Variants in PARD6G observed in about 807,000 individuals in gnomAD.
The protein encoded by PARD6G is par-6 family cell polarity regulator gamma.
A neutral mutation model predicts 10.7 loss-of-function variants in PARD6G; 7 were observed. The observed-to-expected ratio is 0.66, with a 90% CI of 0.37 to 1.23. PARD6G has a LOEUF of 1.23. PARD6G is among the 50% of genes most tolerant of loss of function. The pLI, the probability that PARD6G is intolerant of heterozygous loss-of-function variation, is 0.02. For missense variants in PARD6G, 548 were observed against 571.8 expected, an observed-to-expected ratio of 0.96 and a Z score of 0.42; for synonymous variants, 287 against 269.4, an observed-to-expected ratio of 1.07 and a Z score of -0.64.
At chr18:80,163,443 A>G (rs2052714237) in intron 2 of PARD6G, among the ~76,000 whole-genome samples, 1 of 120,326 alleles carries the variant, frequency 8.3e-6, no homozygotes, top group Admixed American at 7.5e-5. Context: ...TCTACCACTG[A>G]CTCACAGAGT....
At chr18:80,194,622 G>A (rs1261026805) in intron 2 of PARD6G, among the ~76,000 whole-genome samples, 1 of 152,060 alleles carries the variant, frequency 6.6e-6, no homozygotes, top group African/African-American at 2.4e-5. Context: ...TGGGGTAGGG[G>A]TGAGCTCTGG....
intron 2 of PARD6G, among the ~76,000 whole-genome samples, chr18:80,196,156 T>A (rs916036100): frequency 6.6e-6 from 1 of 152,200 alleles, no homozygotes; most frequent in African/African-American, 2.4e-5. Context: ...GTAACTGATA[T>A]GTCCACCATT....
At chr18:80,233,196 T>C (rs1163785959) in intron 1 of PARD6G, among the ~76,000 whole-genome samples, 1 of 152,204 alleles carries the variant, frequency 6.6e-6, no homozygotes, top group South Asian at 2.1e-4. Flanking sequence ...AGGCAAACTA[T>C]CCTACCTCTG....
rs1599839299 is a variant in PARD6G, at chr18:80,160,066, G to T, written c.836C>A (p.Pro279His). 6.4e-7 allele frequency: 1 copy of T among 1,567,284 alleles called. No individual in the cohort carries two copies. The highest frequency in any genetic ancestry group is 1.3e-5 in the African/African-American group (1 of 74,224). ...PSDGTAGFVG[P>H]PAPRVLQNFH... ...GTTCTGCAGGACGCGCGGGGCGGGG[G>T]GACCCACGAAGCCCGCGGTGCCGTC... Residue 279 changes from proline (P) to histidine (H), a missense_variant, in exon 3 of 3, where the codon CCC becomes CAC. Coordinates refer to ENST00000353265, the MANE Select transcript of PARD6G (RefSeq NM_032510.4).
intron 1 of PARD6G, among the ~76,000 whole-genome samples, chr18:80,235,486 G>A (rs1049834359): frequency 1.3e-5 from 2 of 152,142 alleles, no homozygotes; most frequent in Non-Finnish European, 2.9e-5. Flanking sequence ...AAAGCTAGCA[G>A]AAGGCAAGAA....
intron 1 of PARD6G, among the ~76,000 whole-genome samples, chr18:80,217,730 A>G (rs546655702): frequency 6.6e-6 from 1 of 152,328 alleles, no homozygotes; most frequent in African/African-American, 2.4e-5. Flanking sequence ...AGCTAAAAGG[A>G]GCCTAAGGAG....
chr18:80,191,416 C>T (rs777541704), intron 2 of PARD6G, among the ~76,000 whole-genome samples: 2 of 152,142 alleles, frequency 1.3e-5, no homozygotes, highest in African/African-American at 2.4e-5. Flanking sequence ...TAGAGGAAAA[C>T]GCCACTCAGA....
intron 1 of PARD6G, among the ~76,000 whole-genome samples, chr18:80,204,080 CA>C (rs1802150430): frequency 6.6e-6 from 1 of 152,238 alleles, no homozygotes; most frequent in African/African-American, 2.4e-5. Flanking sequence ...GAGAGGACCC[CA>C]GGGGGACATG....
intron 1 of PARD6G, among the ~76,000 whole-genome samples, chr18:80,205,880 T>C (rs943301600): frequency 6.6e-6 from 1 of 152,228 alleles, no homozygotes; most frequent in African/African-American, 2.4e-5. Flanking sequence ...ACTGAATACA[T>C]AAGATAATTT....
In PARD6G at chr18:80,180,540, G is replaced by A. The variant is rs948200411; in HGVS notation, c.296-19934C>T. On this transcript the variant is annotated intron_variant, in intron 2 of 2. Coordinates refer to ENST00000353265, the MANE Select transcript of PARD6G (RefSeq NM_032510.4). The surrounding 1 kb of genome is among the most constrained non-coding windows in gnomAD (Gnocchi z 5.6). ...TGGTCAGGGGTCCTTGCTCTCTGCC[G>A]GGCACACTGCGGCCTCTGGGTGTTT... Among the ~76,000 whole-genome samples the A allele has an allele frequency of 2.0e-5, 3 of 152,080 alleles. No individual in the cohort carries two copies. Among genetic ancestry groups the A allele is most frequent in the South Asian group, 2.1e-4 (1 of 4,820 alleles).
chr18:80,210,912 C>T (rs534426636), intron 1 of PARD6G, among the ~76,000 whole-genome samples: 10 of 147,950 alleles, frequency 6.8e-5, no homozygotes, highest in Admixed American at 2.7e-4. Context: ...CCCAAACACA[C>T]GTCACTAGTC....
Position 80,190,175 on chromosome 18 carries a change from T to C in PARD6G, c.295+12535A>G, listed in dbSNP as rs371344359. On this transcript the variant is annotated intron_variant, in intron 2 of 2. Transcript: ENST00000353265. Reference sequence around the variant, plus strand: ...GTATCATATACACCATTCTACCCCATGTTTTCTGCTTAATATCGTCAAGAG... The same window carrying C: ...GTATCATATACACCATTCTACCCCACGTTTTCTGCTTAATATCGTCAAGAG... Among the ~76,000 whole-genome samples the C allele has an allele frequency of 2.6e-5, 4 of 152,210 alleles. No individual in the cohort carries two copies. The East Asian group carries it at 7.7e-4, about 29-fold the overall frequency.
intron 1 of PARD6G, among the ~76,000 whole-genome samples, chr18:80,244,885 A>T (rs1400255437): frequency 6.6e-6 from 1 of 152,144 alleles, no homozygotes; most frequent in Admixed American, 6.5e-5. Flanking sequence ...GGTAAGTGGG[A>T]AGCTGTGCAC....
At chr18:80,241,110 C>T (rs1967485184) in intron 1 of PARD6G, among the ~76,000 whole-genome samples, 1 of 152,182 alleles carries the variant, frequency 6.6e-6, no homozygotes, top group Non-Finnish European at 1.5e-5. Context: ...GACTAACCCT[C>T]CCAGCTGTTT....
intron 1 of PARD6G, among the ~76,000 whole-genome samples, chr18:80,208,102 C>T (rs1967071614): frequency 6.6e-6 from 1 of 151,720 alleles, no homozygotes; most frequent in African/African-American, 2.4e-5. Flanking sequence ...CAAATCACTG[C>T]AGCATTTAGA....
In PARD6G at chr18:80,175,566, G is replaced by C. The variant is rs2052803428; in HGVS notation, c.296-14960C>G. Among the ~76,000 whole-genome samples the C allele has an allele frequency of 6.6e-6, 1 of 152,210 alleles. No homozygotes were observed. Among genetic ancestry groups the C allele is most frequent in the Admixed American group, 6.5e-5 (1 of 15,282 alleles). ...CCAGATACAGTCAGACTGAGGGCTA[G>C]GACTTCGACATCAGAACCTGGGGTG... On this transcript the variant is annotated intron_variant, in intron 2 of 2. Coordinates refer to ENST00000353265, the MANE Select transcript of PARD6G (RefSeq NM_032510.4). This position sits in a 1 kb window ranked among gnomAD's most constrained non-coding sequence, Gnocchi z 6.7.
chr18:80,168,245 G>A (rs1286984759), intron 2 of PARD6G, among the ~76,000 whole-genome samples: 12 of 152,164 alleles, frequency 7.9e-5, no homozygotes, highest in Admixed American at 5.2e-4. Flanking sequence ...ATGCAGCTGC[G>A]GTGGTATGGG....
At chr18:80,211,076 C>CT (rs199869964) in intron 1 of PARD6G, among the ~76,000 whole-genome samples, 5 of 151,086 alleles carry the variant, frequency 3.3e-5, no homozygotes, top group Admixed American at 6.6e-5. Context: ...GCATTTTTTT[C>CT]TTTTTTTTTG....
At chr18:80,162,156 C>T (rs1479121276) in intron 2 of PARD6G, 1 of 152,186 alleles carries the variant, frequency 6.6e-6, no homozygotes, top group Admixed American at 6.5e-5. Context: ...GGCATCCTGG[C>T]CAGCACTCAA....
Sources: gnomAD v4.1 joint callset for allele counts (sites outside exome capture counted in the v4.1 genomes callset) on GRCh38, gnomAD v4.1.1 for gene constraint, Gnocchi (gnomAD v3.1) non-coding constraint, MANE v1.5 for transcripts, NCBI Gene and HGNC (gene_info 2026-07-23, HGNC 2026-07-21) for gene names.